The following TFDP2 variants were observed in gnomAD, a reference collection of about 807,000 sequenced individuals.
TFDP2 encodes transcription factor Dp-2.
TFDP2 carries 17 observed loss-of-function variants against 59.3 expected under a neutral mutation model. That is an observed-to-expected ratio of 0.29 (90% CI 0.20 to 0.43). The LOEUF is 0.43. Among genes scored for constraint, TFDP2 ranks in the 20% least tolerant of loss-of-function variants. TFDP2 has a pLI of 1.00. For synonymous variants in TFDP2, 180 were observed against 194.7 expected, an observed-to-expected ratio of 0.92 and a Z score of 0.63; for missense variants, 391 against 528.8, an observed-to-expected ratio of 0.74 and a Z score of 2.56.
chr3:142,034,346 A>G (rs1007497423), intron 3 of TFDP2, among the ~76,000 whole-genome samples: 4 of 151,726 alleles, frequency 2.6e-5, no homozygotes, highest in African/African-American at 9.7e-5. Flanking sequence ...TGATCCGCCC[A>G]CCTCGGCCTC....
At chr3:141,965,559 G>GAGGGGA (rs1208283519) in intron 9 of TFDP2, among the ~76,000 whole-genome samples, 8,772 of 135,670 alleles carry the variant, frequency 0.065, 410 homozygotes, top group Non-Finnish European at 0.1. Context: ...GGGGAAGGGG[G>GAGGGGA]AGGGGAAGGG....
chr3:141,988,654 G>A (rs897501067), intron 6 of TFDP2, among the ~76,000 whole-genome samples: 20 of 148,530 alleles, frequency 1.3e-4, no homozygotes, highest in African/African-American at 4.9e-4. Context: ...ACTGTTTTTA[G>A]CAATCTTTTC....
intron 1 of TFDP2, among the ~76,000 whole-genome samples, chr3:142,129,310 T>C (rs901358472): frequency 1.3e-5 from 2 of 151,776 alleles, no homozygotes; most frequent in Non-Finnish European, 2.9e-5. Flanking sequence ...CTAAAAATCC[T>C]CAGATTCAGA....
At chr3:141,995,519 G>C (rs1943185799) in intron 4 of TFDP2, among the ~76,000 whole-genome samples, 1 of 152,184 alleles carries the variant, frequency 6.6e-6, no homozygotes, top group Non-Finnish European at 1.5e-5. Context: ...CACTTCCACA[G>C]TCCATCATAC....
chr3:142,140,777 A>G (rs2062921417), intron 1 of TFDP2, among the ~76,000 whole-genome samples: 1 of 152,112 alleles, frequency 6.6e-6, no homozygotes, highest in Admixed American at 6.5e-5. Context: ...GGGGGCACCC[A>G]CCTGTATGAG....
At chr3:141,991,510 G>A (rs1322473108) in intron 6 of TFDP2, among the ~76,000 whole-genome samples, 1 of 152,172 alleles carries the variant, frequency 6.6e-6, no homozygotes, top group Non-Finnish European at 1.5e-5. Flanking sequence ...TATAATCTCA[G>A]CACTTTGGGA....
intron 2 of TFDP2, among the ~76,000 whole-genome samples, chr3:142,095,179 AG>A (rs892285371): frequency 1.3e-5 from 2 of 151,796 alleles, no homozygotes; most frequent in African/African-American, 2.4e-5. Flanking sequence ...CAGTAGAGAC[AG>A]GGTTTCACCA....
intron 1 of TFDP2, among the ~76,000 whole-genome samples, chr3:142,102,913 G>A (rs1301032019): frequency 6.6e-6 from 1 of 152,184 alleles, no homozygotes; most frequent in East Asian, 1.9e-4. Flanking sequence ...GAATGGCAAA[G>A]AAAGGCTGAG....
intron 3 of TFDP2, among the ~76,000 whole-genome samples, chr3:142,091,008 C>T (rs2060978158): frequency 6.6e-6 from 1 of 152,148 alleles, no homozygotes; most frequent in Non-Finnish European, 1.5e-5. Context: ...CACTTCCTTC[C>T]CCTGACCTGA....
intron 3 of TFDP2, among the ~76,000 whole-genome samples, chr3:142,090,297 T>G (rs1394016288): frequency 6.6e-6 from 1 of 152,164 alleles, no homozygotes; most frequent in Non-Finnish European, 1.5e-5. Flanking sequence ...CACATGCATA[T>G]AGCTATTTCA....
chr3:142,135,554 C>G (rs559600272), intron 1 of TFDP2, among the ~76,000 whole-genome samples: 54 of 152,148 alleles, frequency 3.5e-4, no homozygotes, highest in African/African-American at 1.2e-3. Context: ...ATCCCTCCCC[C>G]AGCCTCCCAC....
chr3:142,115,412 G>T (rs546727216), intron 1 of TFDP2, among the ~76,000 whole-genome samples: 1 of 149,298 alleles, frequency 6.7e-6, no homozygotes, highest in East Asian at 2.0e-4. Context: ...TCCACCTCCC[G>T]GATTCACGCC....
chr3:142,055,117 T>C (rs2059695929), intron 3 of TFDP2, among the ~76,000 whole-genome samples: 1 of 152,188 alleles, frequency 6.6e-6, no homozygotes, highest in African/African-American at 2.4e-5. Context: ...GCAGTCAGTC[T>C]CCTCCTATCA....
Position 141,947,453 on chromosome 3 carries a change from C to T in TFDP2, c.*5060G>A, listed in dbSNP as rs1935378693. 6.6e-6 allele frequency: 1 copy of T among 152,096 alleles called. No individual in the cohort carries two copies. The highest frequency in any genetic ancestry group is 2.4e-5 in the African/African-American group (1 of 41,396). 9.4% of individuals were successfully genotyped at this position (152,096 alleles called of 1,614,324 possible). A position where few individuals can be genotyped will look rare whatever the true frequency, so the allele number is the denominator to read the frequency against. On this transcript the variant is annotated 3_prime_UTR_variant, in exon 13 of 13. Transcript: ENST00000489671. The stretch of plus-strand genomic sequence containing the variant: ...TTTTTGAGACAGAGTCCTGCTCTGT[C>T]ACCTGGGCTGGAGTGCAGTGGCGGG...
intron 3 of TFDP2, among the ~76,000 whole-genome samples, chr3:142,045,912 T>C (rs1947327131): frequency 6.6e-6 from 1 of 152,132 alleles, no homozygotes; most frequent in Admixed American, 6.5e-5. Flanking sequence ...CGTGAGCCAC[T>C]GTGCCTGGCC....
At chr3:141,954,245 A>G (rs1196679782) in intron 11 of TFDP2, among the ~76,000 whole-genome samples, 1 of 152,200 alleles carries the variant, frequency 6.6e-6, no homozygotes, top group Non-Finnish European at 1.5e-5. Flanking sequence ...CATTTATCCT[A>G]TGACAACACT....
chr3:141,998,578 C>T (rs1943494179), intron 4 of TFDP2, among the ~76,000 whole-genome samples: 1 of 152,094 alleles, frequency 6.6e-6, no homozygotes. Flanking sequence ...GATCGTGCCA[C>T]TACACTCTCC....
At chr3:142,016,867 T>C (rs902373126) in intron 3 of TFDP2, among the ~76,000 whole-genome samples, 4 of 152,188 alleles carry the variant, frequency 2.6e-5, no homozygotes, top group African/African-American at 9.7e-5. Flanking sequence ...CTTGAGTCCT[T>C]AATGAGGGTT....
At position 142,128,115 on chromosome 3, in the gene TFDP2, C is replaced by A. The variant is rs116228027; in HGVS notation, c.-93+21068G>T. ...AGCTACTCAGGAGGCTGAGGTGGGA[C>A]GACTGCTTAAGCCCCGGAACTTGAG... On this transcript the variant is annotated intron_variant, in intron 1 of 12. Transcript: ENST00000489671. Among the ~76,000 whole-genome samples, 576 of 152,130 alleles carry A rather than the reference C, an allele frequency of 3.8e-3. 5 individuals are homozygous for A. The highest frequency in any genetic ancestry group is 0.013 in the African/African-American group (552 of 41,498).
Sources: gnomAD v4.1 joint callset for allele counts (sites outside exome capture counted in the v4.1 genomes callset) on GRCh38, gnomAD v4.1.1 for gene constraint, MANE v1.5 for transcripts, NCBI Gene and HGNC (gene_info 2026-07-23, HGNC 2026-07-21) for gene names.